TRAM2: variants seen among roughly 807,000 people sequenced by gnomAD.
The protein encoded by TRAM2 is translocation associated membrane protein 2.
Under a neutral mutation model 51.0 loss-of-function variants are expected in TRAM2, and 12 were observed. That is an observed-to-expected ratio of 0.24 (90% CI 0.15 to 0.38). TRAM2 has a LOEUF of 0.38. Ranked by LOEUF, TRAM2 falls within the 10% of genes least tolerant of loss-of-function variation. The probability of loss-of-function intolerance (pLI) is 1.00; values close to 1 mark genes in which losing one functional copy is unlikely to be tolerated. For missense variants in TRAM2, 361 were observed against 462.0 expected (o/e 0.78, Z 2.00); for synonymous variants, 175 against 179.4 (o/e 0.98, Z 0.20).
At chr6:52,557,090 G>A (rs1337620472) in intron 1 of TRAM2, among the ~76,000 whole-genome samples, 3 of 151,962 alleles carry the variant, frequency 2.0e-5, no homozygotes, top group Non-Finnish European at 4.4e-5. Flanking sequence ...CTACTTAGGA[G>A]GCTGAGGCAG....
At chr6:52,509,819 G>A (rs371445647) in intron 4 of TRAM2, among the ~76,000 whole-genome samples, 64 of 152,178 alleles carry the variant, frequency 4.2e-4, no homozygotes, top group African/African-American at 1.4e-3. Flanking sequence ...GAGGTCCAAC[G>A]ACCCATATCT....
intron 1 of TRAM2, among the ~76,000 whole-genome samples, chr6:52,557,428 A>G (rs1767429470): frequency 6.6e-6 from 1 of 152,176 alleles, no homozygotes; most frequent in Non-Finnish European, 1.5e-5. Flanking sequence ...TCCTTTCAAA[A>G]ACTCACTGAA....
Position 52,502,912 on chromosome 6 carries a change from G to A in TRAM2, c.*285C>T, listed in dbSNP as rs1016892473. The stretch of plus-strand genomic sequence containing the variant: ...AAGCAGAAAGGTGCCAGCCATGGGC[G>A]CCTGGCGTTCCAGAAAAGCCAGCAC... On this transcript the variant is annotated 3_prime_UTR_variant, in exon 11 of 11. Transcript: ENST00000182527. 5.4e-5 allele frequency: 23 copies of A among 427,992 alleles called. 1 individual carries two copies. The highest frequency in any genetic ancestry group is 3.1e-4 in the South Asian group (7 of 22,368). The allele number at this position is 427,992 out of a possible 1,614,324, so 26.5% of individuals were successfully genotyped here. A position where few individuals can be genotyped will look rare whatever the true frequency, so the allele number is the denominator to read the frequency against.
In TRAM2 at chr6:52,499,312, T is replaced by C. The variant is rs1034977313; in HGVS notation, c.*3885A>G. On this transcript the variant is annotated 3_prime_UTR_variant, in exon 11 of 11. Coordinates refer to ENST00000182527, the MANE Select transcript of TRAM2 (RefSeq NM_012288.4). The stretch of plus-strand genomic sequence containing the variant: ...ACTCAAAAGCTTTCAGCACTCCCTC[T>C]GTTAGAGGAGAGAGCTTAGAACATC... 6.6e-6 allele frequency: 1 copy of C among 152,148 alleles called. No individual in the cohort carries two copies. Among genetic ancestry groups the C allele is most frequent in the Admixed American group, 6.5e-5 (1 of 15,278 alleles). 9.4% of individuals were successfully genotyped at this position (152,148 alleles called of 1,614,324 possible).
At chr6:52,516,784 T>G (rs1302137714) in intron 2 of TRAM2, 47 bp from the exon 3 acceptor site, 2 of 1,465,118 alleles carry the variant, frequency 1.4e-6, no homozygotes, top group African/African-American at 2.8e-5. Context: ...GGGAAGGAAA[T>G]ACTCTGGGAC....
chr6:52,574,100 C>T (rs1194999364), intron 1 of TRAM2, among the ~76,000 whole-genome samples: 1 of 152,138 alleles, frequency 6.6e-6, no homozygotes, highest in Non-Finnish European at 1.5e-5. Flanking sequence ...TGGTGAGTCC[C>T]CAGTTGCACC....
intron 1 of TRAM2, among the ~76,000 whole-genome samples, chr6:52,575,728 G>C (rs1042720547): frequency 6.6e-6 from 1 of 152,160 alleles, no homozygotes. Context: ...CCAACCGTGA[G>C]AATGCAATAA....
intron 2 of TRAM2, among the ~76,000 whole-genome samples, chr6:52,527,534 G>A (rs1766806286): frequency 6.6e-6 from 1 of 152,074 alleles, no homozygotes; most frequent in Admixed American, 6.6e-5. Flanking sequence ...GTGGGAGGAA[G>A]AGCAAGATGA....
chr6:52,527,218 C>T (rs1050985878), intron 2 of TRAM2, among the ~76,000 whole-genome samples: 1 of 151,402 alleles, frequency 6.6e-6, no homozygotes, highest in African/African-American at 2.4e-5. Flanking sequence ...TCCCTACTAA[C>T]AATACAAAAA....
intron 1 of TRAM2, among the ~76,000 whole-genome samples, chr6:52,542,552 CA>C (rs1767122877): frequency 6.6e-6 from 1 of 152,148 alleles, no homozygotes; most frequent in Non-Finnish European, 1.5e-5. Flanking sequence ...TGGCTTTTAG[CA>C]ACGCCTAGAG....
chr6:52,526,148 GACAGAC>G lies in TRAM2; in HGVS notation c.185-9417_185-9412del, dbSNP rs1346406345. On this transcript the variant is annotated intron_variant, in intron 2 of 10. Coordinates refer to ENST00000182527, the MANE Select transcript of TRAM2 (RefSeq NM_012288.4). ...ATGGCCATCCTAGGAAATACACACA[GACAGAC>G]ACACACACACACACACACACACACA... 1.6e-3 allele frequency among the ~76,000 whole-genome samples: 231 copies of G among 146,482 alleles called. 2 individuals carry two copies. The highest frequency in any genetic ancestry group is 7.4e-3 in the South Asian group (34 of 4,576).
chr6:52,516,566 A>T (rs954670246), intron 3 of TRAM2, 62 bp downstream of exon 3: 5 of 1,386,578 alleles, frequency 3.6e-6, no homozygotes, highest in Non-Finnish European at 5.1e-6. Context: ...CTCCAAGGCC[A>T]GGTCCTCCAC....
chr6:52,519,545 G>C (rs1766625626), intron 2 of TRAM2, among the ~76,000 whole-genome samples: 1 of 152,142 alleles, frequency 6.6e-6, no homozygotes, highest in South Asian at 2.1e-4. Context: ...ATTGTTGGTG[G>C]GAATGTAAAA....
intron 1 of TRAM2, among the ~76,000 whole-genome samples, chr6:52,563,064 C>T (rs866077329): frequency 1.3e-5 from 2 of 152,168 alleles, no homozygotes; most frequent in African/African-American, 2.4e-5. Context: ...TGTATACGTA[C>T]AAAATGACAT....
Position 52,534,104 on chromosome 6 carries a change from G to A in TRAM2, c.184+1679C>T, listed in dbSNP as rs577573039. On this transcript the variant is annotated intron_variant, in intron 2 of 10. Transcript: ENST00000182527. ...CCGTCCAAAAAAAAAAAAAAAGGCT[G>A]GGCACGGTGGCTCACGCCTGTAATC... is the stretch of plus-strand genomic sequence containing the variant. 3.2e-3 allele frequency among the ~76,000 whole-genome samples: 474 copies of A among 146,734 alleles called. 1 individual carries two copies. Among genetic ancestry groups the A allele is most frequent in the Admixed American group, 7.2e-3 (105 of 14,614 alleles).
At position 52,516,073 on chromosome 6, in the gene TRAM2, T is replaced by A. The variant is rs371068659; in HGVS notation, c.344A>T (p.Asn115Ile). Residue 115 changes from asparagine to isoleucine, a missense_variant, in exon 4 of 11, where the codon AAT (asparagine) becomes ATT (isoleucine). Physicochemically the swap from Asn to Ile is moderately radical, Grantham distance 149 (BLOSUM62 -3). Transcript: ENST00000182527. ...AAAGACGACCAGCTGTCCAGATTCA[T>A]TGAACTTGCTGTGTTTGACTTTGGA... ...HLSKVKHSKF[N>I]ESGQLVVFHF... is the part of the protein sequence containing the mutation. The A allele has an allele frequency of 6.2e-7, 1 of 1,614,100 alleles. No individual in the cohort carries two copies. The highest frequency in any genetic ancestry group is 1.3e-5 in the African/African-American group (1 of 74,942).
intron 1 of TRAM2, among the ~76,000 whole-genome samples, chr6:52,556,927 C>CA (rs11291654): frequency 0.37 from 44,940 of 122,690 alleles, 7,983 homozygotes; most frequent in Non-Finnish European, 0.41. Flanking sequence ...GACTCCATCT[C>CA]AAAAAAAAAA....
chr6:52,568,659 C>T (rs181656383), intron 1 of TRAM2, among the ~76,000 whole-genome samples: 3 of 152,292 alleles, frequency 2.0e-5, no homozygotes, highest in East Asian at 1.9e-4. Context: ...TGTCTCTATC[C>T]TTTGTCTTGA....
At chr6:52,509,388 T>C in intron 5 of TRAM2, 140 bp downstream of exon 5, 2 of 709,768 alleles carry the variant, frequency 2.8e-6, no homozygotes, top group South Asian at 3.9e-5. Context: ...TCCAGACAAG[T>C]CTACCATCCA....
Sources: gnomAD v4.1 joint callset for allele counts (sites outside exome capture counted in the v4.1 genomes callset) on GRCh38, gnomAD v4.1.1 for gene constraint, MANE v1.5 for transcripts, NCBI Gene and HGNC (gene_info 2026-07-23, HGNC 2026-07-21) for gene names.